GBF1: variants seen among roughly 807,000 people sequenced by gnomAD.
GBF1 encodes the protein golgi brefeldin A resistant guanine nucleotide exchange factor 1.
In GBF1, 114 loss-of-function variants were observed where a neutral mutation model predicts 210.5. That is an observed-to-expected ratio of 0.54 (90% confidence interval 0.47 to 0.63). GBF1 has a LOEUF of 0.63. Ranked by LOEUF, GBF1 falls within the 30% of genes least tolerant of loss-of-function variation. The pLI is 0.00. For missense variants in GBF1, 1,851 were observed against 2,357.7 expected (o/e 0.79, Z 4.45); for synonymous variants, 850 against 889.2 (o/e 0.96, Z 0.78).
intron 8 of GBF1, among the ~76,000 whole-genome samples, chr10:102,356,723 C>A (rs4917967): frequency 1.0e-4 from 15 of 146,478 alleles, no homozygotes; most frequent in Non-Finnish European, 2.2e-4. Context: ...GCCAAGATCA[C>A]GCCACTGCAC....
chr10:102,275,962 C>T (rs980491941), intron 3 of GBF1, among the ~76,000 whole-genome samples: 3 of 152,342 alleles, frequency 2.0e-5, no homozygotes, highest in Non-Finnish European at 4.4e-5. Flanking sequence ...CTGGGCTGGG[C>T]GTGGTGGCTC....
chr10:102,278,571 G>GT (rs1209808804), intron 3 of GBF1, among the ~76,000 whole-genome samples: 1 of 152,192 alleles, frequency 6.6e-6, no homozygotes, highest in Non-Finnish European at 1.5e-5. Flanking sequence ...AGTACAATGT[G>GT]TAATGATTGT....
the GBF1 span, chr10:102,231,888 C>T: frequency 4.5e-5 from 70 of 1,562,206 alleles, no homozygotes; most frequent in South Asian, 4.9e-4. Flanking sequence ...CCCACCGGGG[C>T]TGCCCAGCCG....
chr10:102,259,875 A>T (rs2072964482), intron 2 of GBF1, among the ~76,000 whole-genome samples, 175 bp from the exon 3 acceptor site: 1 of 152,238 alleles, frequency 6.6e-6, no homozygotes, highest in Admixed American at 6.5e-5. Flanking sequence ...TATCTCTACG[A>T]AATAAGAGAT....
chr10:102,272,112 A>AT (rs200740272), intron 3 of GBF1, among the ~76,000 whole-genome samples: 62,702 of 146,990 alleles, frequency 0.43, 13,349 homozygotes, highest in Middle Eastern at 0.6. Context: ...GCAATTGTTG[A>AT]TTTTTTTTTT....
chr10:102,320,953 G>A (rs1322921015), intron 3 of GBF1, among the ~76,000 whole-genome samples: 1 of 151,576 alleles, frequency 6.6e-6, no homozygotes, highest in East Asian at 1.9e-4. Context: ...GCACCACCAC[G>A]CCCGGCTAGT....
chr10:102,234,549 A>G, the GBF1 span, among the ~76,000 whole-genome samples: 1 of 152,170 alleles, frequency 6.6e-6, no homozygotes, highest in African/African-American at 2.4e-5. Context: ...GTCCCTGAGA[A>G]GGAACTATGG....
At chr10:102,231,624 G>T in the GBF1 span, 4 of 1,609,532 alleles carry the variant, frequency 2.5e-6, no homozygotes, top group Admixed American at 5.1e-5. Context: ...TCCACACGGC[G>T]ATCTCCTCGC....
intron 1 of GBF1, among the ~76,000 whole-genome samples, chr10:102,256,391 G>A (rs1771501336): frequency 2.0e-5 from 3 of 151,614 alleles, no homozygotes; most frequent in Admixed American, 2.0e-4. Flanking sequence ...CTCTGGCTGT[G>A]TCTGTTTTTG....
At chr10:102,334,644 C>T (rs1160847098) in intron 3 of GBF1, among the ~76,000 whole-genome samples, 1 of 152,082 alleles carries the variant, frequency 6.6e-6, no homozygotes, top group African/African-American at 2.4e-5. Flanking sequence ...GTCAGGAGAT[C>T]GAGACCATCC....
intron 3 of GBF1, among the ~76,000 whole-genome samples, chr10:102,303,990 G>GT (rs138807813): frequency 0.08 from 11,960 of 148,842 alleles, 532 homozygotes; most frequent in African/African-American, 0.12. Flanking sequence ...TTTTAATCTA[G>GT]TTTTTTTTTT....
intron 1 of GBF1, among the ~76,000 whole-genome samples, chr10:102,251,109 T>G (rs1035211337): frequency 2.6e-5 from 4 of 152,030 alleles, no homozygotes; most frequent in Non-Finnish European, 5.9e-5. Context: ...CATTAAAAAT[T>G]ATATATTTCA....
chr10:102,375,331 C>T (rs776264908), intron 29 of GBF1, 28 bp from the exon 30 acceptor site: 4 of 1,367,288 alleles, frequency 2.9e-6, no homozygotes, highest in Middle Eastern at 1.8e-4. Flanking sequence ...TCCCCGCTTC[C>T]CCGCTCCCTG....
the GBF1 span, among the ~76,000 whole-genome samples, chr10:102,237,662 G>C: frequency 6.6e-6 from 1 of 152,186 alleles, no homozygotes; most frequent in Non-Finnish European, 1.5e-5. Flanking sequence ...GCTGCCACTA[G>C]TATGAAATTG....
chr10:102,378,317 TTC>T (rs1423892054), intron 33 of GBF1, among the ~76,000 whole-genome samples: 1 of 152,044 alleles, frequency 6.6e-6, no homozygotes, highest in Non-Finnish European at 1.5e-5. Context: ...GCCTGAGGTT[TTC>T]TGTTTTAAAA....
At position 102,295,436 on chromosome 10, in the gene GBF1, AAATTGAAT is replaced by A. The variant is rs1239301443; in HGVS notation, c.163+35326_163+35333del. Among the ~76,000 whole-genome samples, 4 of 152,342 alleles carry A rather than the reference AAATTGAAT, an allele frequency of 2.6e-5. No individual in the cohort carries two copies. In the South Asian group the frequency reaches 8.3e-4, roughly 32 times the overall value. On this transcript the variant is annotated intron_variant, in intron 3 of 39. Coordinates refer to ENST00000369983, the MANE Select transcript of GBF1 (RefSeq NM_001377137.1). ...CTTTAAAAGTTTATGGCAGTTATAG[AAATTGAAT>A]AATTGCAAATTGAGCACTAACTAAA...
At chr10:102,334,833 A>T (rs999471290) in intron 3 of GBF1, among the ~76,000 whole-genome samples, 12 of 151,300 alleles carry the variant, frequency 7.9e-5, no homozygotes, top group African/African-American at 2.9e-4. Flanking sequence ...TGGGTGACAG[A>T]GCGAGACTTC....
intron 36 of GBF1, 42 bp from the exon 37 acceptor site, chr10:102,380,207 C>A: frequency 7.6e-7 from 1 of 1,323,202 alleles, no homozygotes; most frequent in Non-Finnish European, 1.1e-6. Context: ...GGTCCAGAGG[C>A]TCCTACAGTC....
intron 29 of GBF1, among the ~76,000 whole-genome samples, chr10:102,374,069 G>A (rs2060356453): frequency 1.3e-5 from 2 of 152,120 alleles, no homozygotes; most frequent in African/African-American, 4.8e-5. Context: ...TTGAAGACAG[G>A]CTGGGCGCAG....
Sources: allele counts gnomAD v4.1 joint callset (sites outside exome capture counted in the v4.1 genomes callset), GRCh38; gene constraint gnomAD v4.1.1; transcripts MANE v1.5; gene names NCBI Gene and HGNC (gene_info 2026-07-23, HGNC 2026-07-21).